NELL2: variants seen among roughly 807,000 people sequenced by gnomAD.
The protein encoded by NELL2 is protein kinase C-binding protein NELL2.
A neutral mutation model predicts 109.6 loss-of-function variants in NELL2; 41 were observed. The ratio of observed to expected loss-of-function variants is 0.37; its 90% confidence interval spans 0.29 to 0.49. The LOEUF is 0.49. Among genes scored for constraint, NELL2 ranks in the 20% least tolerant of loss-of-function variants. The pLI is 0.98. For synonymous variants in NELL2, 355 were observed against 344.7 expected (o/e 1.03, Z -0.33); for missense variants, 900 against 1,008.3 (o/e 0.89, Z 1.45).
intron 1 of NELL2, among the ~76,000 whole-genome samples, chr12:44,889,679 C>T (rs1341678204): frequency 6.6e-6 from 1 of 150,732 alleles, no homozygotes; most frequent in Non-Finnish European, 1.5e-5. Context: ...AGATTTTTTT[C>T]TCTTCAGCCT....
At chr12:44,684,278 T>C (rs1322366469) in intron 12 of NELL2, among the ~76,000 whole-genome samples, 4 of 152,234 alleles carry the variant, frequency 2.6e-5, no homozygotes, top group Non-Finnish European at 5.9e-5. Context: ...CCTTTAACAT[T>C]TTTTATTGCG....
chr12:44,767,904 A>G (rs1308294729), intron 9 of NELL2, among the ~76,000 whole-genome samples: 1 of 152,176 alleles, frequency 6.6e-6, no homozygotes, highest in Non-Finnish European at 1.5e-5. Flanking sequence ...ATCTGTTTGC[A>G]TGGTTTGCAG....
chr12:44,671,836 C>G (rs763607686), intron 12 of NELL2, among the ~76,000 whole-genome samples: 7 of 152,308 alleles, frequency 4.6e-5, no homozygotes, highest in Admixed American at 1.3e-4. Flanking sequence ...GACCCAGACC[C>G]TCTGAAAGCC....
At chr12:44,562,479 A>C (rs1469371950) in intron 15 of NELL2, among the ~76,000 whole-genome samples, 3 of 152,208 alleles carry the variant, frequency 2.0e-5, no homozygotes, top group Non-Finnish European at 4.4e-5. Context: ...AGAAAAAAAC[A>C]AACAACCCCA....
At chr12:44,564,242 C>T (rs143933419) in intron 15 of NELL2, among the ~76,000 whole-genome samples, 1 of 152,188 alleles carries the variant, frequency 6.6e-6, no homozygotes, top group African/African-American at 2.4e-5. Flanking sequence ...GTGAATTGCA[C>T]CTACAGAAGA....
chr12:44,663,152 A>G (rs930462035), intron 13 of NELL2, among the ~76,000 whole-genome samples: 6 of 152,190 alleles, frequency 3.9e-5, no homozygotes, highest in African/African-American at 1.4e-4. Flanking sequence ...ACAGACCCTA[A>G]TATCAAAGTG....
intron 9 of NELL2, among the ~76,000 whole-genome samples, chr12:44,750,366 A>T (rs1003497297): frequency 3.3e-5 from 5 of 152,176 alleles, no homozygotes; most frequent in African/African-American, 1.2e-4. Context: ...CTTTCAAAAG[A>T]TGGTAGATGT....
At chr12:44,748,936 C>A (rs138082462) in intron 9 of NELL2, among the ~76,000 whole-genome samples, 1 of 152,214 alleles carries the variant, frequency 6.6e-6, no homozygotes, top group East Asian at 1.9e-4. Flanking sequence ...AGTGAATTTG[C>A]ACATACTCAT....
chr12:44,772,772 T>A (rs1040764189), intron 9 of NELL2, among the ~76,000 whole-genome samples: 4 of 152,158 alleles, frequency 2.6e-5, no homozygotes, highest in African/African-American at 9.6e-5. Context: ...CCATATCTAA[T>A]GAGGGCCTAT....
chr12:44,713,977 TAGAC>T (rs1241848312), intron 10 of NELL2, among the ~76,000 whole-genome samples: 1 of 151,964 alleles, frequency 6.6e-6, no homozygotes, highest in African/African-American at 2.4e-5. Context: ...ATTTTATATA[TAGAC>T]AGTTTCCTTC....
At chr12:44,600,127 A>ATTT (rs1555183509) in intron 15 of NELL2, among the ~76,000 whole-genome samples, 59 of 132,218 alleles carry the variant, frequency 4.5e-4, no homozygotes, top group African/African-American at 1.6e-3. Context: ...ACGCCCGGCT[A>ATTT]ATTTATTTAT....
intron 16 of NELL2, 114 bp downstream of exon 16, chr12:44,532,467 T>A (rs559631360): frequency 2.0e-6 from 2 of 1,000,730 alleles, no homozygotes; most frequent in South Asian, 4.2e-5. Flanking sequence ...CACTGTTGTA[T>A]ACACATATAG....
chr12:44,819,540 T>C (rs149122848), intron 2 of NELL2, among the ~76,000 whole-genome samples: 159 of 152,236 alleles, frequency 1.0e-3, no homozygotes, highest in African/African-American at 3.5e-3. Flanking sequence ...ACGGATAATT[T>C]GTATTGGGGT....
intron 8 of NELL2, 107 bp downstream of exon 8, chr12:44,775,915 C>T (rs1004774415): frequency 1.5e-6 from 2 of 1,324,656 alleles, no homozygotes; most frequent in Non-Finnish European, 1.0e-6. Flanking sequence ...AGTGTTGTGT[C>T]TTGAGGAAAT....
intron 2 of NELL2, among the ~76,000 whole-genome samples, chr12:44,840,530 G>A (rs917505383): frequency 3.3e-5 from 5 of 152,052 alleles, no homozygotes; most frequent in East Asian, 1.9e-4. Context: ...CCAGCTACTC[G>A]GGAGGCTGAG....
chr12:44,649,206 T>TTCCCTCCCTCCCTCCC (rs113794471), intron 13 of NELL2, among the ~76,000 whole-genome samples: 1 of 151,718 alleles, frequency 6.6e-6, no homozygotes, highest in East Asian at 1.9e-4. Context: ...CTCTTCCTCC[T>TTCCCTCCCTCCCTCCC]TCCCTCCCTC....
At chr12:44,705,382 A>G (rs1937814430) in intron 11 of NELL2, among the ~76,000 whole-genome samples, 1 of 152,214 alleles carries the variant, frequency 6.6e-6, no homozygotes, top group South Asian at 2.1e-4. Flanking sequence ...TAAGTCCAGA[A>G]AAATATAGTC....
At chr12:44,551,057 CAAAAG>C (rs1943028574) in intron 15 of NELL2, among the ~76,000 whole-genome samples, 2 of 151,960 alleles carry the variant, frequency 1.3e-5, no homozygotes. Flanking sequence ...TGTAATGAGG[CAAAAG>C]AAAACGTTGG....
intron 13 of NELL2, among the ~76,000 whole-genome samples, chr12:44,614,527 A>G (rs1185301135): frequency 6.6e-6 from 1 of 152,054 alleles, no homozygotes; most frequent in Non-Finnish European, 1.5e-5. Context: ...GAGGCACAAT[A>G]TAGTAAAGTT....
Sources: allele counts gnomAD v4.1 joint callset (sites outside exome capture counted in the v4.1 genomes callset), GRCh38; gene constraint gnomAD v4.1.1; transcripts MANE v1.5; gene names NCBI Gene and HGNC (gene_info 2026-07-23, HGNC 2026-07-21).